Variants in STEEP1 observed in about 807,000 individuals in gnomAD.
STEEP1 encodes STING1 ER exit protein 1, also known as STING ER exit protein.
STEEP1 carries 3 observed loss-of-function variants against 19.2 expected under a neutral mutation model. The observed-to-expected ratio is 0.16, with a 90% confidence interval of 0.07 to 0.40. STEEP1 has a LOEUF of 0.40. STEEP1 is among the 10% of genes least tolerant of loss of function. STEEP1 has a pLI of 0.99. For synonymous variants in STEEP1, 46 were observed against 63.7 expected (o/e 0.72, Z 1.32); for missense variants, 54 against 177.1 (o/e 0.30, Z 3.94).
chrX:119,541,280 A>C (rs754239257), intron 6 of STEEP1, 48 bp downstream of exon 6: 1 of 722,351 alleles, frequency 1.4e-6, no homozygotes, highest in East Asian at 3.2e-5. Context: ...TCAGACCAAG[A>C]CATCCAAATG....
chrX:119,560,247 C>T (rs1259354290), intron 2 of STEEP1, 21 bp downstream of exon 2: 1 of 1,046,870 alleles, frequency 9.6e-7, no homozygotes, highest in South Asian at 1.9e-5. Context: ...AAATCCTAAA[C>T]AGGGAGCATC....
intron 2 of STEEP1, among the ~76,000 whole-genome samples, chrX:119,552,206 T>C (rs957224811): frequency 7.2e-5 from 8 of 111,269 alleles, no homozygotes; most frequent in Non-Finnish European, 1.3e-4. Flanking sequence ...CGGCTAATTT[T>C]TGCAACTTTT....
chrX:119,544,281 C>A, intron 4 of STEEP1, 72 bp downstream of exon 4: 2 of 942,805 alleles, frequency 2.1e-6, no homozygotes, highest in Non-Finnish European at 3.0e-6. Context: ...TTTCTCATCA[C>A]TATAATCTTA....
At chrX:119,557,478 CAAAAAAAAAAAAAAAAAG>C (rs2053289068) in intron 2 of STEEP1, among the ~76,000 whole-genome samples, 1 of 68,966 alleles carries the variant, frequency 1.4e-5, no homozygotes, top group South Asian at 7.9e-4. Flanking sequence ...CACACCATCT[CAAAAAAAAAAAAAAAAAG>C]AAAAAAGAAA....
intron 2 of STEEP1, among the ~76,000 whole-genome samples, chrX:119,550,187 G>A (rs2053233866): frequency 8.9e-6 from 1 of 112,026 alleles, no homozygotes; most frequent in African/African-American, 3.2e-5. Flanking sequence ...ATCCCAGCTG[G>A]CTTTTTCACA....
chrX:119,551,900 C>CTT (rs58576371), intron 2 of STEEP1, among the ~76,000 whole-genome samples: 1 of 91,480 alleles, frequency 1.1e-5, no homozygotes. Flanking sequence ...GCTTCCAAAA[C>CTT]TTTTTTTTTT....
rs746011061 is a variant in STEEP1, at chrX:119,554,792, G to A, written c.242+5476C>T. 4.5e-5 allele frequency among the ~76,000 whole-genome samples: 5 copies of A among 110,871 alleles called. No individual in the cohort carries two copies. The South Asian group carries it at 1.1e-3, about 25-fold the overall frequency. ...ACTGCCTACCATATGAGACACCTTGGAAGATGACTCTCCAGCCCTAATCAA... is the reference window on the plus strand; with the variant it reads ...ACTGCCTACCATATGAGACACCTTGAAAGATGACTCTCCAGCCCTAATCAA... On this transcript the variant is annotated intron_variant, in intron 2 of 6. Transcript: ENST00000644802.
At chrX:119,548,532 C>CAA (rs59210283) in intron 2 of STEEP1, among the ~76,000 whole-genome samples, 37 of 47,947 alleles carry the variant, frequency 7.7e-4, no homozygotes, top group Middle Eastern at 0.014. Context: ...GACTCTGTCT[C>CAA]AAAAAAAAAA....
In STEEP1 at chrX:119,544,484, G is replaced by A; in HGVS notation, c.292C>T (p.Leu98=). 1 of 1,207,285 alleles carries A rather than the reference G, an allele frequency of 8.3e-7. No homozygotes were observed. Among genetic ancestry groups the A allele is most frequent in the Non-Finnish European group, 1.1e-6 (1 of 893,344 alleles). Reference sequence around the variant, plus strand: ...GGCTGGGATTGGTAGAAGAGCGGCAGTCCACACCTGCAATGACACAGTGAA... The same window carrying A: ...GGCTGGGATTGGTAGAAGAGCGGCAATCCACACCTGCAATGACACAGTGAA... ...QYRKKCAKCG[L]PLFYQSQPKN... Residue 98 remains leucine (L), a synonymous_variant, in exon 4 of 7, where the codon CTG becomes TTG. Coordinates refer to ENST00000644802, the MANE Select transcript of STEEP1 (RefSeq NM_022101.4).
intron 2 of STEEP1, among the ~76,000 whole-genome samples, chrX:119,559,855 C>G (rs1344634748): frequency 9.2e-6 from 1 of 108,754 alleles, no homozygotes; most frequent in Non-Finnish European, 1.9e-5. Flanking sequence ...TCAAGACCAG[C>G]CTGGCCGACA....
intron 1 of STEEP1, among the ~76,000 whole-genome samples, chrX:119,561,648 AAC>A (rs889322482): frequency 3.6e-5 from 4 of 110,042 alleles, no homozygotes; most frequent in African/African-American, 1.3e-4. Flanking sequence ...CTGCCTGAGC[AAC>A]AGAGGAAAAC....
At chrX:119,540,455 C>G (rs12836903) in intron 6 of STEEP1, among the ~76,000 whole-genome samples, 13,212 of 111,066 alleles carry the variant, frequency 0.12, 1,257 homozygotes, top group African/African-American at 0.32. Context: ...AAACTCACTA[C>G]AGACACAAAG....
chrX:119,560,144 C>A, intron 2 of STEEP1, 124 bp downstream of exon 2: 3 of 496,416 alleles, frequency 6.0e-6, no homozygotes, highest in East Asian at 3.5e-5. Context: ...GTTAGAAAAC[C>A]ACCACAAATG....
At chrX:119,547,650 T>C (rs2053214916) in intron 2 of STEEP1, among the ~76,000 whole-genome samples, 1 of 112,117 alleles carries the variant, frequency 8.9e-6, no homozygotes, top group African/African-American at 3.2e-5. Context: ...TTGTTTATTC[T>C]CTAGTTTGTC....
At chrX:119,553,816 A>G (rs142649784) in intron 2 of STEEP1, among the ~76,000 whole-genome samples, 176 of 111,900 alleles carry the variant, frequency 1.6e-3, no homozygotes, top group Non-Finnish European at 2.4e-3. Context: ...ATGGGGCCGC[A>G]TATTTCTCAA....
chrX:119,556,490 G>T (rs971950324), intron 2 of STEEP1, among the ~76,000 whole-genome samples: 1 of 109,466 alleles, frequency 9.1e-6, no homozygotes, highest in African/African-American at 3.3e-5. Flanking sequence ...GGCTGAGGCA[G>T]GAGAATGGCC....
At chrX:119,553,166 AGTGG>A (rs2053255701) in intron 2 of STEEP1, among the ~76,000 whole-genome samples, 3 of 57,097 alleles carry the variant, frequency 5.3e-5, no homozygotes, top group Non-Finnish European at 3.9e-5. Flanking sequence ...AAAAAAAAAA[AGTGG>A]AAAACAGAAA....
intron 4 of STEEP1, 147 bp downstream of exon 4, chrX:119,544,202 AAAAG>A (rs1329620996): frequency 6.8e-6 from 3 of 438,616 alleles, no homozygotes; most frequent in South Asian, 6.0e-5. Flanking sequence ...CCATAAAGAA[AAAAG>A]AAATAAAATA....
chrX:119,559,813 C>A (rs1187114169), intron 2 of STEEP1, among the ~76,000 whole-genome samples: 1 of 112,204 alleles, frequency 8.9e-6, no homozygotes, highest in African/African-American at 3.2e-5. Flanking sequence ...CTTTGGGAGG[C>A]CAAGGAGGGA....
Sources: allele counts gnomAD v4.1 joint callset (sites outside exome capture counted in the v4.1 genomes callset), GRCh38; gene constraint gnomAD v4.1.1; transcripts MANE v1.5; gene names NCBI Gene and HGNC (gene_info 2026-07-23, HGNC 2026-07-21).